The following C11orf65 variants were observed in gnomAD, a reference collection of about 807,000 sequenced individuals.
C11orf65 encodes protein MFI.
Under a neutral mutation model 35.3 loss-of-function variants are expected in C11orf65, and 38 were observed. The ratio of observed to expected loss-of-function variants is 1.08; its 90% CI spans 0.83 to 1.41. The LOEUF is 1.41. Ranked by LOEUF, C11orf65 falls within the 40% of genes most tolerant of loss-of-function variation. The pLI is 0.00. For missense variants in C11orf65, 370 were observed against 367.1 expected, an observed-to-expected ratio of 1.01 and a Z score of -0.06; for synonymous variants, 105 against 114.4, an observed-to-expected ratio of 0.92 and a Z score of 0.53.
chr11:108,448,722 C>T (rs1167809152), intron 2 of C11orf65, among the ~76,000 whole-genome samples: 4 of 152,170 alleles, frequency 2.6e-5, no homozygotes, highest in Non-Finnish European at 5.9e-5. Context: ...TGAAAACGGG[C>T]ACAAGACAGG....
intron 8 of C11orf65, among the ~76,000 whole-genome samples, chr11:108,385,263 G>A (rs953187981): frequency 1.3e-5 from 2 of 151,922 alleles, no homozygotes; most frequent in African/African-American, 2.4e-5. Context: ...GTAGAGTCAG[G>A]GTTTCACCAT....
Position 108,429,808 on chromosome 11 carries a change from C to A in C11orf65, c.174+1938G>T, listed in dbSNP as rs1196383871. ...TACACACAATGGAATATTATTCAGC[C>A]TTAAGAAAGGAAAGAAATCCCGCAA... is the stretch of plus-strand genomic sequence containing the variant. On this transcript the variant is annotated intron_variant, in intron 3 of 8. Coordinates refer to ENST00000393084, the MANE Select transcript of C11orf65 (RefSeq NM_152587.5). Among the ~76,000 whole-genome samples the A allele has an allele frequency of 2.0e-5, 3 of 152,068 alleles. No individual in the cohort carries two copies. The East Asian group carries it at 5.8e-4, about 29-fold the overall frequency.
intron 1 of C11orf65, among the ~76,000 whole-genome samples, chr11:108,465,508 G>C (rs2093523764): frequency 6.6e-6 from 1 of 152,190 alleles, no homozygotes; most frequent in Non-Finnish European, 1.5e-5. Context: ...GATTTGGCCA[G>C]ATAAAGTCAC....
chr11:108,383,531 T>C (rs1430120636), intron 8 of C11orf65, among the ~76,000 whole-genome samples: 1 of 152,232 alleles, frequency 6.6e-6, no homozygotes, highest in Non-Finnish European at 1.5e-5. Flanking sequence ...AATGTGACAG[T>C]GCATGTAAAG....
intron 2 of C11orf65, among the ~76,000 whole-genome samples, chr11:108,449,315 C>A (rs562451574): frequency 6.6e-6 from 1 of 152,000 alleles, no homozygotes; most frequent in Admixed American, 6.5e-5. Context: ...AAAAAAAGAG[C>A]CCACATAGCC....
At chr11:108,372,610 T>A (rs1187204378) in intron 2 of C11orf65, among the ~76,000 whole-genome samples, 2 of 152,210 alleles carry the variant, frequency 1.3e-5, no homozygotes, top group Non-Finnish European at 2.9e-5. Flanking sequence ...ATCATTGCAG[T>A]GTAAAGCATC....
rs1340743582 is a variant in C11orf65, at chr11:108,331,744, C to T, written c.300-177G>A. 10 of 1,292,738 alleles carry T rather than the reference C, an allele frequency of 7.7e-6. No homozygotes were observed. The African/African-American group carries it at 9.0e-5, about 12-fold the overall frequency. The allele number at this position is 1,292,738 out of a possible 1,614,324, so 80.1% of individuals were successfully genotyped here. ...TCCTCATAGGCCTCTGCCTTTTTCT[C>T]ACACATGCAGGCATACACGCTCTAC... is the stretch of plus-strand genomic sequence containing the variant. On this transcript the variant is annotated intron_variant, in intron 3 of 3. Transcript: ENST00000524755.
At chr11:108,310,067 G>A in intron 6 of C11orf65, 1 of 1,330,326 alleles carries the variant, frequency 7.5e-7, no homozygotes, top group Non-Finnish European at 1.0e-6. Flanking sequence ...TTTCTGTTAA[G>A]CAGTCACTAC....
intron 3 of C11orf65, among the ~76,000 whole-genome samples, chr11:108,418,322 T>A (rs1348512758): frequency 6.6e-6 from 1 of 151,944 alleles, no homozygotes; most frequent in Non-Finnish European, 1.5e-5. Flanking sequence ...CAAGTACAGA[T>A]AAAAATTTAT....
intron 5 of C11orf65, among the ~76,000 whole-genome samples, chr11:108,405,765 C>A (rs2092529432): frequency 6.6e-6 from 1 of 152,170 alleles, no homozygotes; most frequent in Non-Finnish European, 1.5e-5. Flanking sequence ...GATAGATCAA[C>A]AAAGTACTAG....
rs1555139556 is a variant in C11orf65, at chr11:108,347,310, T to A, written c.227-12018A>T. 6.2e-7 allele frequency: 1 copy of A among 1,611,786 alleles called. No homozygotes were observed. On this transcript the variant is annotated intron_variant, in intron 2 of 3. Coordinates refer to the C11orf65 transcript ENST00000524755. ...ACATACTTGGACTTGGTGATAGACATGTACAGAATATCTTGATAAATGAGC... is the reference window on the plus strand; with the variant it reads ...ACATACTTGGACTTGGTGATAGACAAGTACAGAATATCTTGATAAATGAGC...
chr11:108,317,646 TATATATACAC>T (rs1314803693), intron 6 of C11orf65: 66 of 141,946 alleles, frequency 4.6e-4, no homozygotes, highest in East Asian at 2.4e-3. Flanking sequence ...TATATATATA[TATATATACAC>T]ACACACACAC....
intron 2 of C11orf65, among the ~76,000 whole-genome samples, chr11:108,444,676 G>A (rs963178456): frequency 6.6e-6 from 1 of 152,150 alleles, no homozygotes; most frequent in African/African-American, 2.4e-5. Context: ...CCCAGCATGA[G>A]CGACGCAGAA....
At chr11:108,429,792 T>C (rs1429619221) in intron 3 of C11orf65, among the ~76,000 whole-genome samples, 1 of 152,188 alleles carries the variant, frequency 6.6e-6, no homozygotes, top group Non-Finnish European at 1.5e-5. Context: ...ATACACACAA[T>C]GGAATATTAT....
At chr11:108,329,276 C>A (rs2086010073), downstream of C11orf65, 1 of 1,538,544 alleles carries the variant, frequency 6.5e-7, no homozygotes, top group Non-Finnish European at 9.0e-7. Context: ...TTATGTTCAC[C>A]AGTTAACTGA....
chr11:108,368,844 C>G (rs571703745), intron 2 of C11orf65: 1 of 201,376 alleles, frequency 5.0e-6, no homozygotes, highest in East Asian at 7.7e-5. Flanking sequence ...CTTAGGAATG[C>G]TAAAAATTTA....
chr11:108,359,994 T>C (rs1274131774), intron 2 of C11orf65, among the ~76,000 whole-genome samples: 3 of 151,670 alleles, frequency 2.0e-5, no homozygotes, highest in East Asian at 1.9e-4. Context: ...TTCAAAAAAT[T>C]AATGAATCCA....
chr11:108,375,115 C>G (rs2091687137), intron 2 of C11orf65, among the ~76,000 whole-genome samples: 1 of 152,100 alleles, frequency 6.6e-6, no homozygotes, highest in African/African-American at 2.4e-5. Flanking sequence ...GGCCAACGTT[C>G]AGGTTCAGGA....
intron 2 of C11orf65, among the ~76,000 whole-genome samples, chr11:108,442,757 T>A (rs564567591): frequency 2.5e-4 from 38 of 152,158 alleles, no homozygotes; most frequent in African/African-American, 9.2e-4. Context: ...ATAAAATACT[T>A]TACAGACAAG....
Sources: allele counts gnomAD v4.1 joint callset (sites outside exome capture counted in the v4.1 genomes callset), GRCh38; gene constraint gnomAD v4.1.1; transcripts MANE v1.5; gene names NCBI Gene and HGNC (gene_info 2026-07-23, HGNC 2026-07-21).